Variants in TMEM63A observed in about 807,000 individuals in gnomAD.
TMEM63A encodes the protein mechanosensitive cation channel TMEM63A.
Under a neutral mutation model 100.6 loss-of-function variants are expected in TMEM63A, and 76 were observed. The ratio of observed to expected loss-of-function variants is 0.76; its 90% CI spans 0.63 to 0.91. The LOEUF (loss-of-function observed/expected upper bound fraction) is 0.91, where lower values mean the gene tolerates loss of function less well. Ranked by LOEUF, TMEM63A falls within the 40% of genes least tolerant of loss-of-function variation. The pLI, the probability that TMEM63A is intolerant of heterozygous loss-of-function variation, is 0.00. For synonymous variants in TMEM63A, 401 were observed against 401.1 expected, an observed-to-expected ratio of 1.00 and a Z score of 0.00; for missense variants, 876 against 1,008.8, an observed-to-expected ratio of 0.87 and a Z score of 1.78.
rs973993917 is a variant in TMEM63A, at chr1:225,871,863, G to C, written c.333+124C>G. 39 of 702,740 alleles carry C rather than the reference G, an allele frequency of 5.5e-5. 1 individual carries two copies. The highest frequency in any genetic ancestry group is 9.0e-5 in the South Asian group (5 of 55,728). The allele number at this position is 702,740 out of a possible 1,614,324, so 43.5% of individuals were successfully genotyped here. A position where few individuals can be genotyped will look rare whatever the true frequency, so the allele number is the denominator to read the frequency against. Reference sequence around the variant, plus strand: ...GTATTTCCCAAGTTCAGGTGCCTTCGTCGATGCAGAAAAGCACTTTCTCCA... The same window carrying C: ...GTATTTCCCAAGTTCAGGTGCCTTCCTCGATGCAGAAAAGCACTTTCTCCA... On this transcript the variant is annotated intron_variant, in intron 5 of 24. Coordinates refer to ENST00000366835, the MANE Select transcript of TMEM63A (RefSeq NM_014698.3).
Position 225,847,213 on chromosome 1 carries a change from G to A in TMEM63A, c.2251C>T (p.Pro751Ser). Residue 751 changes from proline to serine, a missense_variant and splice_region_variant, in exon 24 of 25, where the codon CCC becomes TCC. Physicochemically the swap from Pro to Ser is moderately conservative, Grantham distance 74. Transcript: ENST00000366835. ...AEAHMPPPFTPYVPRILNGLA... is the reference protein window; with the variant it reads ...AEAHMPPPFTSYVPRILNGLA... Reference sequence around the variant, plus strand: ...CCGTTCAGAATCCGAGGCACGTAGGGCTGTCAGCAAATGGATTTGTGCTTG... The same window carrying A: ...CCGTTCAGAATCCGAGGCACGTAGGACTGTCAGCAAATGGATTTGTGCTTG... The A allele has an allele frequency of 6.2e-7, 1 of 1,612,624 alleles. No individual in the cohort carries two copies.
intron 6 of TMEM63A, among the ~76,000 whole-genome samples, chr1:225,869,807 C>A (rs567349862): frequency 6.6e-6 from 1 of 151,652 alleles, no homozygotes; most frequent in East Asian, 2.0e-4. Flanking sequence ...GGATTACAGG[C>A]ACCCGCCACC....
intron 1 of TMEM63A, among the ~76,000 whole-genome samples, chr1:225,880,737 C>T (rs1000766704): frequency 1.3e-5 from 2 of 152,180 alleles, no homozygotes; most frequent in African/African-American, 4.8e-5. Flanking sequence ...TGCAGGCAAG[C>T]GTCTGATTGT....
In TMEM63A at chr1:225,865,960, C is replaced by T. The variant is rs142373258; in HGVS notation, c.683G>A (p.Arg228Gln). The change falls in exon 10 of 25, where the codon CGG becomes CAG. Residue 228 changes from arginine to glutamine, a missense_variant. Coordinates refer to ENST00000366835, the MANE Select transcript of TMEM63A (RefSeq NM_014698.3). The surrounding 1 kb of genome is among the most constrained non-coding windows in gnomAD (Gnocchi z 4.6). ...IKYKEENLVR[R>Q]TLFITGLPRD... Reference sequence around the variant, plus strand: ...GGGGAGTCCTGTGATGAACAGGGTCCGCCTCACCTGTCCGGGAAATACAGC... The same window carrying T: ...GGGGAGTCCTGTGATGAACAGGGTCTGCCTCACCTGTCCGGGAAATACAGC... 2.3e-4 allele frequency: 373 copies of T among 1,613,922 alleles called. No homozygotes were observed. Among genetic ancestry groups the T allele is most frequent in the Admixed American group, 4.2e-4 (25 of 60,002 alleles).
At position 225,849,112 on chromosome 1, in the gene TMEM63A, C is replaced by A. The variant is rs545791385; in HGVS notation, c.2072-100G>T. On this transcript the variant is annotated intron_variant, in intron 21 of 24. Coordinates refer to ENST00000366835, the MANE Select transcript of TMEM63A (RefSeq NM_014698.3). ...GGCCGCACCTGGTGTGGAAACTGCC[C>A]GTGACTTCTCCCTCAGGCAGAAAAT... 50 of 878,264 alleles carry A rather than the reference C, an allele frequency of 5.7e-5. 1 individual carries two copies. The South Asian group carries it at 7.2e-4, about 13-fold the overall frequency. 54.4% of individuals were successfully genotyped at this position (878,264 alleles called of 1,614,324 possible). A position where few individuals can be genotyped will look rare whatever the true frequency, so the allele number is the denominator to read the frequency against.
downstream of TMEM63A, chr1:225,845,078 C>T (rs1668830951): frequency 6.4e-7 from 1 of 1,552,574 alleles, no homozygotes; most frequent in Non-Finnish European, 8.9e-7. Flanking sequence ...CGCTTTAACC[C>T]CCTGCTGTGC....
chr1:225,871,936 T>A (rs1670526827), intron 5 of TMEM63A, 51 bp downstream of exon 5: 1 of 1,392,024 alleles, frequency 7.2e-7, no homozygotes, highest in South Asian at 1.2e-5. Context: ...AAACCATGAC[T>A]GCCAGTCCCC....
At chr1:225,872,582 T>C (rs1670563079) in intron 4 of TMEM63A, among the ~76,000 whole-genome samples, 1 of 152,150 alleles carries the variant, frequency 6.6e-6, no homozygotes, top group African/African-American at 2.4e-5. Context: ...TGGCACTTTA[T>C]ATTGTGGCAT....
At chr1:225,843,023 G>A (rs1280647166), downstream of TMEM63A, among the ~76,000 whole-genome samples, 2 of 152,232 alleles carry the variant, frequency 1.3e-5, no homozygotes, top group Admixed American at 6.5e-5. Flanking sequence ...GTGACACACA[G>A]GACCAGACAG....
At position 225,872,105 on chromosome 1, in the gene TMEM63A, A is replaced by T. The variant is rs768899588; in HGVS notation, c.267-52T>A. 2.1e-6 allele frequency: 3 copies of T among 1,399,582 alleles called. No homozygotes were observed. The East Asian group carries it at 7.1e-5, about 33-fold the overall frequency. 86.7% of individuals were successfully genotyped at this position (1,399,582 alleles called of 1,614,324 possible). A position where few individuals can be genotyped will look rare whatever the true frequency, so the allele number is the denominator to read the frequency against. ...ACAGATAATTCTTAGAAAAAAAAAAAAGCCAAACAAGTCAAAAAGATCACA... is the reference window on the plus strand; with the variant it reads ...ACAGATAATTCTTAGAAAAAAAAAATAGCCAAACAAGTCAAAAAGATCACA... On this transcript the variant is annotated intron_variant, in intron 4 of 24. Transcript: ENST00000366835.
Position 225,849,911 on chromosome 1 carries a change from C to T in TMEM63A, c.2071+1G>A, listed in dbSNP as rs1669234698. On this transcript the variant is annotated splice_donor_variant, in intron 21 of 24. Coordinates refer to ENST00000366835, the MANE Select transcript of TMEM63A (RefSeq NM_014698.3). LOFTEE classifies it high-confidence loss of function. Reference sequence around the variant, plus strand: ...GGCCCCAGGTCAGAAGGGCTGCTCACCCAGGCGCAGGAAGGAAAAGAAGTA... The same window carrying T: ...GGCCCCAGGTCAGAAGGGCTGCTCATCCAGGCGCAGGAAGGAAAAGAAGTA... 2 of 1,613,632 alleles carry T rather than the reference C, an allele frequency of 1.2e-6. No homozygotes were observed. The highest frequency in any genetic ancestry group is 1.7e-6 in the Non-Finnish European group (2 of 1,179,812).
intron 6 of TMEM63A, among the ~76,000 whole-genome samples, chr1:225,868,241 C>T (rs1480901784): frequency 6.6e-6 from 1 of 152,180 alleles, no homozygotes; most frequent in Non-Finnish European, 1.5e-5. Context: ...GTCTTAGCCC[C>T]TGTACCATAC....
intron 1 of TMEM63A, among the ~76,000 whole-genome samples, chr1:225,879,842 G>C (rs1559054970): frequency 1.3e-5 from 2 of 152,232 alleles, no homozygotes. Flanking sequence ...CAGGAAAAGG[G>C]AACACAGCAG....
At chr1:225,873,103 T>C (rs75099374) in intron 4 of TMEM63A, among the ~76,000 whole-genome samples, 5,122 of 152,268 alleles carry the variant, frequency 0.034, 126 homozygotes, top group East Asian at 0.094. Context: ...ACTGTCCCTT[T>C]TGACCTTCAC....
intron 19 of TMEM63A, 62 bp from the exon 20 acceptor site, chr1:225,852,831 T>C: frequency 6.8e-7 from 1 of 1,471,236 alleles, no homozygotes; most frequent in Non-Finnish European, 9.5e-7. Context: ...CCTTTTGTGC[T>C]CTCTAAGTGG....
At chr1:225,861,955 G>A (rs1669960816) in intron 13 of TMEM63A, 4 of 548,376 alleles carry the variant, frequency 7.3e-6, no homozygotes, top group Middle Eastern at 5.1e-4. Context: ...CCCAGCAGTG[G>A]GGCCAGGCCA....
chr1:225,843,851 G>A (rs188801799), downstream of TMEM63A, among the ~76,000 whole-genome samples: 27 of 152,346 alleles, frequency 1.8e-4, no homozygotes, highest in South Asian at 4.1e-4. Context: ...TCATTGACCA[G>A]TTTTCATTTT....
At chr1:225,857,123 G>T in intron 15 of TMEM63A, 106 bp from the exon 16 acceptor site, 11 of 976,380 alleles carry the variant, frequency 1.1e-5, no homozygotes, top group African/African-American at 1.7e-5. Flanking sequence ...CAGGGTAGGA[G>T]TTTGTCATCT....
chr1:225,866,988 C>T, intron 8 of TMEM63A, 124 bp downstream of exon 8: 1 of 975,738 alleles, frequency 1.0e-6, no homozygotes, highest in Non-Finnish European at 1.7e-6. Context: ...AACTCACTAG[C>T]TGCAAGGGGC....
Sources: gnomAD v4.1 joint callset for allele counts (sites outside exome capture counted in the v4.1 genomes callset) on GRCh38, gnomAD v4.1.1 for gene constraint, Gnocchi (gnomAD v3.1) non-coding constraint, MANE v1.5 for transcripts, NCBI Gene and HGNC (gene_info 2026-07-23, HGNC 2026-07-21) for gene names.